DRAM1: variants seen among roughly 807,000 people sequenced by gnomAD.
DRAM1 encodes DNA damage regulated autophagy modulator 1.
In DRAM1, 25 loss-of-function variants were observed where a neutral mutation model predicts 28.5. That is an observed-to-expected ratio of 0.88 (90% CI 0.64 to 1.23). The LOEUF is 1.23. Ranked by LOEUF, DRAM1 falls within the 50% of genes most tolerant of loss-of-function variation. DRAM1 has a pLI of 0.00. For missense variants in DRAM1, 249 were observed against 299.2 expected (o/e 0.83, Z 1.24); for synonymous variants, 113 against 114.2 (o/e 0.99, Z 0.07).
At position 101,908,298 on chromosome 12, in the gene DRAM1, A is replaced by G. The variant is rs1873900743; in HGVS notation, c.455A>G (p.Asn152Ser). 1 of 1,614,170 alleles carries G rather than the reference A, an allele frequency of 6.2e-7. No homozygotes were observed. Reference protein sequence around the residue: ...IISYKSCPQWNSLSTCHIRMV... With the variant: ...IISYKSCPQWSSLSTCHIRMV... Reference sequence around the variant, plus strand: ...TCTTACAAATCATGTCCCCAGTGGAACAGTCTCTCGACATGCCACATACGG... The same window carrying G: ...TCTTACAAATCATGTCCCCAGTGGAGCAGTCTCTCGACATGCCACATACGG... Residue 152 changes from asparagine (N) to serine (S), a missense_variant, in exon 4 of 7, where the codon AAC (asparagine) becomes AGC (serine). Physicochemically the swap from Asn to Ser is conservative, Grantham distance 46. Coordinates refer to ENST00000258534, the MANE Select transcript of DRAM1 (RefSeq NM_018370.3).
chr12:101,908,203 GGT>G lies in DRAM1; in HGVS notation c.361_362del (p.Val121SerfsTer2). On this transcript the variant is annotated frameshift_variant, in exon 4 of 7. Transcript: ENST00000258534. LOFTEE classifies it high-confidence loss of function. ...TTCTCCAGGAGTTAGCTGTGCCAGT[GGT>G]TCATGACGGGGGCGCTCTTTTGGCC... ...ANFQELAVPVVHDGGALLAFV... is the reference protein window; with the variant it reads ...ANFQELAVPVXHDGGALLAFV... 1 of 1,609,664 alleles carries G rather than the reference GGT, an allele frequency of 6.2e-7. No homozygotes were observed. The highest frequency in any genetic ancestry group is 8.5e-7 in the Non-Finnish European group (1 of 1,178,650).
chr12:101,897,418 C>G (rs1386108539), intron 1 of DRAM1, among the ~76,000 whole-genome samples: 1 of 151,920 alleles, frequency 6.6e-6, no homozygotes, highest in Admixed American at 6.6e-5. Context: ...CCAGGCTGGT[C>G]TTGAACTCCT....
chr12:101,914,561 C>T (rs1475489749), intron 5 of DRAM1, among the ~76,000 whole-genome samples: 1 of 150,578 alleles, frequency 6.6e-6, no homozygotes, highest in Non-Finnish European at 1.5e-5. Context: ...CAGCTTACTG[C>T]AACCTCTGTG....
At position 101,914,177 on chromosome 12, in the gene DRAM1, TTGTC is replaced by T. The variant is rs1383573034; in HGVS notation, c.528_531del (p.Cys177LeufsTer3). Reference sequence around the variant, plus strand: ...CTTAACTGTTTACTTCTTTCAGTGATTGTCTGTGCTTCACTAATTTCCATAACCA... The same window carrying T: ...CTTAACTGTTTACTTCTTTCAGTGATTGTGCTTCACTAATTTCCATAACCA... On this transcript the variant is annotated frameshift_variant, in exon 5 of 7. Transcript: ENST00000258534. LOFTEE classifies it high-confidence loss of function. 3 of 1,606,038 alleles carry T rather than the reference TTGTC, an allele frequency of 1.9e-6. No homozygotes were observed. The highest frequency in any genetic ancestry group is 2.5e-6 in the Non-Finnish European group (3 of 1,176,938).
At chr12:101,892,386 C>T (rs1250645842) in intron 1 of DRAM1, among the ~76,000 whole-genome samples, 1 of 149,850 alleles carries the variant, frequency 6.7e-6, no homozygotes, top group African/African-American at 2.5e-5. Flanking sequence ...CAGGCACCCA[C>T]CACCATGCCA....
At chr12:101,912,570 T>G (rs954026838) in intron 4 of DRAM1, among the ~76,000 whole-genome samples, 19 of 152,318 alleles carry the variant, frequency 1.2e-4, no homozygotes, top group African/African-American at 4.6e-4. Context: ...TAGAAACAGA[T>G]GTGAGGTGAT....
rs1424415806 is a variant in DRAM1, at chr12:101,877,833, T to G, written c.44T>G (p.Leu15Trp). 1.3e-6 allele frequency: 2 copies of G among 1,547,224 alleles called. No individual in the cohort carries two copies. Among genetic ancestry groups the G allele is most frequent in the Non-Finnish European group, 1.7e-6 (2 of 1,144,884 alleles). Reference sequence around the variant, plus strand: ...GGAATGGCTTTCGTCCCCTTCCTCTTGGTGACCTGGTCGTCAGCCGCCTTC... The same window carrying G: ...GGAATGGCTTTCGTCCCCTTCCTCTGGGTGACCTGGTCGTCAGCCGCCTTC... Reference protein sequence around the residue: ...LRGMAFVPFLLVTWSSAAFII... With the variant: ...LRGMAFVPFLWVTWSSAAFII... The change falls in exon 1 of 7, where the codon TTG (leucine) becomes TGG (tryptophan). Residue 15 changes from leucine (L) to tryptophan (W), a missense_variant. Leu to Trp is a moderately conservative substitution (Grantham distance 61). Coordinates refer to ENST00000258534, the MANE Select transcript of DRAM1 (RefSeq NM_018370.3). The surrounding 1 kb of genome is among the most constrained non-coding windows in gnomAD (Gnocchi z 4.1).
intron 3 of DRAM1, among the ~76,000 whole-genome samples, chr12:101,906,302 A>G (rs1873806628): frequency 1.3e-5 from 2 of 151,746 alleles, no homozygotes; most frequent in South Asian, 4.2e-4. Context: ...ATATCAATTC[A>G]TTTGTGCTCC....
chr12:101,880,608 A>G (rs1265761734), intron 1 of DRAM1, among the ~76,000 whole-genome samples: 6 of 152,122 alleles, frequency 3.9e-5, no homozygotes, highest in Non-Finnish European at 7.4e-5. Flanking sequence ...TCTTATTGAG[A>G]AAACAGTAGT....
chr12:101,903,637 G>C lies in DRAM1; in HGVS notation c.342+2204G>C, dbSNP rs73376891. 6.0e-3 allele frequency among the ~76,000 whole-genome samples: 909 copies of C among 152,216 alleles called. 8 individuals are homozygous for C. The highest frequency in any genetic ancestry group is 0.02 in the African/African-American group (845 of 41,506). ...AGTATGGTGACTATAGTTAATAATA[G>C]TGTATTGTATATTTCAAAATTGCTA... On this transcript the variant is annotated intron_variant, in intron 3 of 6. Transcript: ENST00000258534.
At chr12:101,920,293 C>CTTTTTTTTT in intron 6 of DRAM1, 92 bp downstream of exon 6, 4 of 262,160 alleles carry the variant, frequency 1.5e-5, no homozygotes, top group South Asian at 7.3e-5. Context: ...AAAAAGAGCA[C>CTTTTTTTTT]TTTCTTTTTT....
chr12:101,900,481 A>G (rs1343091112), intron 2 of DRAM1, among the ~76,000 whole-genome samples: 1 of 152,262 alleles, frequency 6.6e-6, no homozygotes, highest in Non-Finnish European at 1.5e-5. Context: ...AAAAGTAACT[A>G]CAAATTAGAT....
rs369895290 is a variant in DRAM1, at chr12:101,908,389, G to A, written c.520+26G>A. ...GTATCCTTTTTCACATTTGTGCCTT[G>A]TTAAAGGAATAAAACATTCAGTGAC... On this transcript the variant is annotated intron_variant, in intron 4 of 6. Coordinates refer to ENST00000258534, the MANE Select transcript of DRAM1 (RefSeq NM_018370.3). 7 of 1,590,126 alleles carry A rather than the reference G, an allele frequency of 4.4e-6. No homozygotes were observed. In the African/African-American group the frequency reaches 8.1e-5, roughly 18 times the overall value.
rs544452353 is a variant in DRAM1 at position 101,896,253 on chromosome 12, T to C, written c.132-1610T>C. Among the ~76,000 whole-genome samples, 13 of 152,356 alleles carry C rather than the reference T, an allele frequency of 8.5e-5. No homozygotes were observed. The South Asian group carries it at 2.7e-3, about 32-fold the overall frequency. On this transcript the variant is annotated intron_variant, in intron 1 of 6. Transcript: ENST00000258534. ...CGCAAAACTTAAAAAATTCCTGTTT[T>C]CTGCACACACAGGCTCCTTGTGGAA...
intron 1 of DRAM1, among the ~76,000 whole-genome samples, chr12:101,881,682 C>T (rs1228836863): frequency 6.6e-6 from 1 of 152,158 alleles, no homozygotes; most frequent in Non-Finnish European, 1.5e-5. Context: ...TTTGTTCAAA[C>T]GTTACCTTCC....
rs192115638 is a variant in DRAM1, at chr12:101,919,299, C to A, written c.580-810C>A. ...ACACACACACGCACACACACACACACACACACGGTTTTGTTTTTTTAAACC... is the reference window on the plus strand; with the variant it reads ...ACACACACACGCACACACACACACAAACACACGGTTTTGTTTTTTTAAACC... On this transcript the variant is annotated intron_variant, in intron 5 of 6. Coordinates refer to ENST00000258534, the MANE Select transcript of DRAM1 (RefSeq NM_018370.3). 4.0e-4 allele frequency among the ~76,000 whole-genome samples: 56 copies of A among 138,824 alleles called. 1 individual carries two copies. Among genetic ancestry groups the A allele is most frequent in the Admixed American group, 3.8e-3 (56 of 14,716 alleles). The allele number at this position is 138,824 out of a possible 152,430, so 91.1% of individuals were successfully genotyped here.
At chr12:101,901,912 G>C (rs1240802384) in intron 3 of DRAM1, among the ~76,000 whole-genome samples, 2 of 150,362 alleles carry the variant, frequency 1.3e-5, no homozygotes, top group African/African-American at 4.9e-5. Flanking sequence ...TCTGATACTT[G>C]GGAGAAATGG....
In DRAM1 at chr12:101,918,964, C is replaced by T. The variant is rs1301844319; in HGVS notation, c.580-1145C>T. On this transcript the variant is annotated intron_variant, in intron 5 of 6. Transcript: ENST00000258534. ...TGAGACAGAGTCTTGCTCTGTCACC[C>T]AGGTTGGAGTAGAGTGACGCAATCA... is the stretch of plus-strand genomic sequence containing the variant. 3.3e-5 allele frequency among the ~76,000 whole-genome samples: 5 copies of T among 151,980 alleles called. No homozygotes were observed. In the East Asian group the frequency reaches 9.7e-4, roughly 29 times the overall value.
intron 4 of DRAM1, among the ~76,000 whole-genome samples, chr12:101,912,733 T>C (rs1011480959): frequency 3.9e-5 from 2 of 51,168 alleles, no homozygotes; most frequent in African/African-American, 4.9e-4. Flanking sequence ...GGCTCAACAT[T>C]TTTTTTTTTT....
Sources: allele counts gnomAD v4.1 joint callset (sites outside exome capture counted in the v4.1 genomes callset), GRCh38; gene constraint gnomAD v4.1.1; non-coding constraint Gnocchi (gnomAD v3.1); transcripts MANE v1.5; gene names NCBI Gene and HGNC (gene_info 2026-07-23, HGNC 2026-07-21).